Variants in KCND2 observed in about 807,000 individuals in gnomAD.
The protein encoded by KCND2 is A-type voltage-gated potassium channel KCND2.
A neutral mutation model predicts 54.4 loss-of-function variants in KCND2; 16 were observed. The observed-to-expected ratio is 0.29, with a 90% CI of 0.20 to 0.45. The LOEUF (loss-of-function observed/expected upper bound fraction) is 0.45. KCND2 is among the 20% of genes least tolerant of loss of function. KCND2 has a pLI of 1.00. For synonymous variants in KCND2, 317 were observed against 310.7 expected (o/e 1.02, Z -0.21); for missense variants, 486 against 824.2 (o/e 0.59, Z 5.02).
intron 1 of KCND2, among the ~76,000 whole-genome samples, chr7:120,294,992 G>C (rs1799488049): frequency 6.6e-6 from 1 of 151,610 alleles, no homozygotes. Flanking sequence ...TGATACTCTG[G>C]GCATTGAATA....
chr7:120,325,587 A>G (rs538622598), intron 1 of KCND2, among the ~76,000 whole-genome samples: 5 of 151,576 alleles, frequency 3.3e-5, no homozygotes, highest in Admixed American at 6.6e-5. Flanking sequence ...GGCTCTGTTT[A>G]TATGCTGGAT....
At chr7:120,610,125 G>A (rs1037547571) in intron 1 of KCND2, among the ~76,000 whole-genome samples, 1 of 151,996 alleles carries the variant, frequency 6.6e-6, no homozygotes, top group Non-Finnish European at 1.5e-5. Context: ...TCAATGGCAT[G>A]CGTGACTAAA....
At position 120,378,494 on chromosome 7, in the gene KCND2, C is replaced by T. The variant is rs73217212; in HGVS notation, c.1115+102747C>T. On this transcript the variant is annotated intron_variant, in intron 1 of 5. Transcript: ENST00000331113. ...TAAGCTGCAGAATTTCTTTAGTGGC[C>T]GCTGTATTTTCCCCAGTGACACCTA... is the stretch of plus-strand genomic sequence containing the variant. Among the ~76,000 whole-genome samples the T allele has an allele frequency of 5.6e-3, 857 of 151,874 alleles. 10 individuals carry two copies. Among genetic ancestry groups the T allele is most frequent in the Admixed American group, 0.027 (407 of 15,204 alleles).
intron 1 of KCND2, among the ~76,000 whole-genome samples, chr7:120,406,878 T>G (rs1801368764): frequency 6.6e-6 from 1 of 151,802 alleles, no homozygotes; most frequent in Non-Finnish European, 1.5e-5. Context: ...TAGCTTAGAG[T>G]CAGGATATGA....
At chr7:120,578,026 CGAAGAAGGA>C (rs1337261503) in intron 1 of KCND2, among the ~76,000 whole-genome samples, 2 of 131,472 alleles carry the variant, frequency 1.5e-5, no homozygotes, top group South Asian at 5.6e-4. Flanking sequence ...CATGGCAAAA[CGAAGAAGGA>C]GAAGAAGGAG....
intron 1 of KCND2, among the ~76,000 whole-genome samples, chr7:120,285,249 T>C (rs1584712132): frequency 2.0e-5 from 3 of 152,042 alleles, no homozygotes; most frequent in African/African-American, 7.2e-5. Flanking sequence ...GTGTTTAAAT[T>C]CAAGGCTGAA....
intron 1 of KCND2, among the ~76,000 whole-genome samples, chr7:120,486,751 G>A (rs1802700242): frequency 6.6e-6 from 1 of 150,632 alleles, no homozygotes; most frequent in African/African-American, 2.4e-5. Flanking sequence ...CAGTAATTGA[G>A]ACAATGCAAG....
At chr7:120,725,097 G>GT (rs956841481) in intron 1 of KCND2, among the ~76,000 whole-genome samples, 4 of 152,020 alleles carry the variant, frequency 2.6e-5, no homozygotes, top group African/African-American at 7.2e-5. Context: ...AAAGAATTTG[G>GT]TTTTTTTAAA....
At chr7:120,540,201 A>T (rs993804670) in intron 1 of KCND2, among the ~76,000 whole-genome samples, 1 of 152,146 alleles carries the variant, frequency 6.6e-6, no homozygotes, top group African/African-American at 2.4e-5. Context: ...TAGCTAGAGG[A>T]TCAAATTAAA....
rs183478822 is a variant in KCND2, at chr7:120,426,536, C to T, written c.1115+150789C>T. 6.3e-3 allele frequency among the ~76,000 whole-genome samples: 949 copies of T among 151,402 alleles called. 5 individuals are homozygous for T. The highest frequency in any genetic ancestry group is 0.011 in the Admixed American group (160 of 15,200). On this transcript the variant is annotated intron_variant, in intron 1 of 5. Transcript: ENST00000331113. ...CTGCCACCTTAGAATGCACTACTCCCTTTGGAGACTGTTGTAAAAGCCGAT... is the reference window on the plus strand; with the variant it reads ...CTGCCACCTTAGAATGCACTACTCCTTTTGGAGACTGTTGTAAAAGCCGAT...
intron 1 of KCND2, among the ~76,000 whole-genome samples, chr7:120,722,387 C>T (rs949269432): frequency 3.9e-5 from 6 of 152,106 alleles, no homozygotes; most frequent in African/African-American, 1.4e-4. Flanking sequence ...TGGCCAGACC[C>T]GCCAGGAGGG....
At chr7:120,345,895 A>T (rs1291106797) in intron 1 of KCND2, among the ~76,000 whole-genome samples, 1 of 152,080 alleles carries the variant, frequency 6.6e-6, no homozygotes, top group Non-Finnish European at 1.5e-5. Context: ...TGGTAATTTT[A>T]TTTTTAATTT....
chr7:120,422,354 C>A (rs2116137681), intron 1 of KCND2, among the ~76,000 whole-genome samples: 1 of 152,174 alleles, frequency 6.6e-6, no homozygotes, highest in Non-Finnish European at 1.5e-5. Flanking sequence ...GCTGTTTTTT[C>A]CTTTTCTTCT....
At chr7:120,690,652 T>C (rs1041025679) in intron 1 of KCND2, among the ~76,000 whole-genome samples, 3 of 152,200 alleles carry the variant, frequency 2.0e-5, no homozygotes, top group Non-Finnish European at 4.4e-5. Flanking sequence ...TTAGAATGCA[T>C]TTTAGAGTCA....
chr7:120,273,143 T>C (rs1202672632), upstream of KCND2, among the ~76,000 whole-genome samples: 1 of 151,788 alleles, frequency 6.6e-6, no homozygotes, highest in Non-Finnish European at 1.5e-5. Context: ...CGGAGAAAGG[T>C]CAAGCCGAGG....
intron 2 of KCND2, chr7:120,740,723 T>C: frequency 2.8e-6 from 1 of 360,092 alleles, no homozygotes; most frequent in Non-Finnish European, 5.6e-6. Flanking sequence ...TGAAGGATAT[T>C]CTCTACAGAC....
intron 1 of KCND2, among the ~76,000 whole-genome samples, chr7:120,406,528 C>T (rs1242352772): frequency 6.6e-6 from 1 of 151,944 alleles, no homozygotes. Flanking sequence ...AACACATGCA[C>T]ACTAATAATT....
intron 1 of KCND2, among the ~76,000 whole-genome samples, chr7:120,572,604 A>G (rs1487499760): frequency 6.6e-6 from 1 of 152,124 alleles, no homozygotes; most frequent in Non-Finnish European, 1.5e-5. Flanking sequence ...TGCAACCTCC[A>G]ACTCCCAAGT....
intron 1 of KCND2, among the ~76,000 whole-genome samples, chr7:120,676,495 A>G (rs1792063335): frequency 1.3e-5 from 2 of 152,138 alleles, no homozygotes; most frequent in Admixed American, 6.5e-5. Context: ...TTGGTTATCC[A>G]TATAGTTTGG....
Sources: allele counts gnomAD v4.1 joint callset (sites outside exome capture counted in the v4.1 genomes callset), GRCh38; gene constraint gnomAD v4.1.1; transcripts MANE v1.5; gene names NCBI Gene and HGNC (gene_info 2026-07-23, HGNC 2026-07-21).